EP300: variants seen among roughly 807,000 people sequenced by gnomAD.
EP300 encodes histone acetyltransferase p300.
Under a neutral mutation model 264.0 loss-of-function variants are expected in EP300, and 31 were observed. The observed-to-expected ratio is 0.12, with a 90% CI of 0.09 to 0.16. The LOEUF (loss-of-function observed/expected upper bound fraction) is 0.16, where lower values mean the gene tolerates loss of function less well. Ranked by LOEUF, EP300 falls within the 10% of genes least tolerant of loss-of-function variation. The pLI, the probability that EP300 is intolerant of heterozygous loss-of-function variation, is 1.00. For synonymous variants in EP300, 1,340 were observed against 1,045.4 expected, an observed-to-expected ratio of 1.28 and a Z score of -5.44; for missense variants, 2,766 against 3,052.9, an observed-to-expected ratio of 0.91 and a Z score of 2.21.
intron 14 of EP300, 110 bp from the exon 15 acceptor site, chr22:41,151,723 C>G: frequency 9.0e-7 from 1 of 1,110,350 alleles, no homozygotes; most frequent in South Asian, 1.3e-5. Flanking sequence ...TAAATATAAG[C>G]CAAGAAATAG....
At chr22:41,174,929 C>CAA (rs1381532783) in intron 29 of EP300, 4 of 150,874 alleles carry the variant, frequency 2.7e-5, no homozygotes, top group Non-Finnish European at 5.9e-5. Context: ...AGTATCTTTT[C>CAA]CCCCACTGCT....
chr22:41,115,860 C>T (rs1352459867), intron 1 of EP300, among the ~76,000 whole-genome samples: 1 of 152,206 alleles, frequency 6.6e-6, no homozygotes, highest in African/African-American at 2.4e-5. Flanking sequence ...TACTTTGAGG[C>T]AGGTACTATA....
chr22:41,117,283 T>C lies in EP300; in HGVS notation c.191T>C (p.Leu64Pro). Residue 64 changes from leucine (L) to proline (P), a missense_variant, in exon 2 of 31, where the codon CTT becomes CCT. Physicochemically the swap from Leu to Pro is moderately conservative, Grantham distance 98. Transcript: ENST00000263253. ...GLTNGGDINQ[L>P]QTSLGMVQDA... ...ACCAATGGTGGTGATATTAATCAGC[T>C]TCAGACAAGTCTTGGCATGGTACAA... 6.2e-7 allele frequency: 1 copy of C among 1,614,200 alleles called. No homozygotes were observed. The highest frequency in any genetic ancestry group is 8.5e-7 in the Non-Finnish European group (1 of 1,180,040).
In EP300 at chr22:41,133,400, C is replaced by T. The variant is rs921631048; in HGVS notation, c.1528+1767C>T. On this transcript the variant is annotated intron_variant, in intron 6 of 30. Coordinates refer to ENST00000263253, the MANE Select transcript of EP300 (RefSeq NM_001429.4). ...TCCTGACCTCAGGTGATCTGCCTGC[C>T]TCAACCTCCCAAAGTGCTGTGATTA... 4.6e-5 allele frequency among the ~76,000 whole-genome samples: 7 copies of T among 152,046 alleles called. No individual in the cohort carries two copies. In the East Asian group the frequency reaches 1.4e-3, roughly 29 times the overall value.
intron 1 of EP300, among the ~76,000 whole-genome samples, chr22:41,101,518 T>C (rs2058731796): frequency 6.6e-6 from 1 of 151,630 alleles, no homozygotes; most frequent in Non-Finnish European, 1.5e-5. Flanking sequence ...TTCATGCCAT[T>C]CTCCTGCCTC....
chr22:41,154,376 C>CTTTTTTTTTTTGTTTTT (rs2059064377), intron 16 of EP300, among the ~76,000 whole-genome samples: 1 of 61,792 alleles, frequency 1.6e-5, no homozygotes, highest in Non-Finnish European at 2.8e-5. Flanking sequence ...CTTGTGCACT[C>CTTTTTTTTTTTGTTTTT]TTTTTTTTTT....
intron 29 of EP300, among the ~76,000 whole-genome samples, chr22:41,175,904 A>G (rs1318929760): frequency 6.6e-6 from 1 of 152,190 alleles, no homozygotes; most frequent in Non-Finnish European, 1.5e-5. Flanking sequence ...TGGTGGTGAA[A>G]CTAACTCAGC....
At chr22:41,169,414 T>A (rs2059157524) in intron 25 of EP300, 89 bp from the exon 26 acceptor site, 11 of 812,678 alleles carry the variant, frequency 1.4e-5, no homozygotes, top group Admixed American at 9.0e-5. Context: ...CCTGGGAGAG[T>A]GAGAGGGTGT....
At chr22:41,139,762 G>T (rs2058971260) in intron 8 of EP300, among the ~76,000 whole-genome samples, 1 of 152,162 alleles carries the variant, frequency 6.6e-6, no homozygotes, top group South Asian at 2.1e-4. Flanking sequence ...ACATTTTAGA[G>T]TGGTTACTGA....
Position 41,151,246 on chromosome 22 carries a change from G to A in EP300, c.2818-587G>A, listed in dbSNP as rs77158859. On this transcript the variant is annotated intron_variant, in intron 14 of 30. Transcript: ENST00000263253. ...TCTGATAGACAAGGAAGGACAGAAT[G>A]AGAGAGGAACCAGTGGATCTGCTTG... is the stretch of plus-strand genomic sequence containing the variant. 2.6e-3 allele frequency among the ~76,000 whole-genome samples: 393 copies of A among 152,276 alleles called. 2 individuals are homozygous for A. Among genetic ancestry groups the A allele is most frequent in the African/African-American group, 9.1e-3 (378 of 41,522 alleles).
At chr22:41,158,836 A>G (rs1356065067) in intron 19 of EP300, 3 of 277,752 alleles carry the variant, frequency 1.1e-5, no homozygotes, top group Non-Finnish European at 2.1e-5. Context: ...AACTGAGAAG[A>G]TTTTTAAACT....
At chr22:41,118,610 G>C (rs937721306) in intron 2 of EP300, among the ~76,000 whole-genome samples, 1 of 152,228 alleles carries the variant, frequency 6.6e-6, no homozygotes, top group Non-Finnish European at 1.5e-5. Context: ...AAGGAGTCAA[G>C]AGCAAGCTTT....
intron 1 of EP300, among the ~76,000 whole-genome samples, chr22:41,093,628 T>C (rs1045743749): frequency 2.0e-5 from 3 of 152,226 alleles, no homozygotes; most frequent in African/African-American, 7.2e-5. Context: ...AGGTGAAGTT[T>C]AACAATTCTT....
intron 1 of EP300, among the ~76,000 whole-genome samples, chr22:41,096,877 C>T (rs1286943592): frequency 6.6e-6 from 1 of 152,164 alleles, no homozygotes; most frequent in Non-Finnish European, 1.5e-5. Context: ...CCTCAGCCTC[C>T]CAAAGTGCTG....
At chr22:41,116,108 A>T (rs1229912562) in intron 1 of EP300, among the ~76,000 whole-genome samples, 1 of 152,232 alleles carries the variant, frequency 6.6e-6, no homozygotes, top group African/African-American at 2.4e-5. Context: ...TGTGGATACA[A>T]ACCTTTAGCT....
intron 4 of EP300, among the ~76,000 whole-genome samples, chr22:41,128,452 C>G (rs1289492160): frequency 6.6e-6 from 1 of 151,478 alleles, no homozygotes; most frequent in African/African-American, 2.4e-5. Context: ...TAGAACCAAA[C>G]CCTGTTTCAA....
At chr22:41,098,387 T>C (rs2058713542) in intron 1 of EP300, among the ~76,000 whole-genome samples, 1 of 152,238 alleles carries the variant, frequency 6.6e-6, no homozygotes, top group Non-Finnish European at 1.5e-5. Context: ...GATTGTTTTT[T>C]TTGAGACGGA....
Position 41,146,165 on chromosome 22 carries a change from AT to A in EP300, c.2054-557del, listed in dbSNP as rs130087. 1.3e-3 allele frequency among the ~76,000 whole-genome samples: 175 copies of A among 139,034 alleles called. 1 individual carries two copies. The highest frequency in any genetic ancestry group is 2.2e-3 in the African/African-American group (81 of 37,348). The allele number at this position is 139,034 out of a possible 152,430, so 91.2% of individuals were successfully genotyped here. A position where few individuals can be genotyped will look rare whatever the true frequency, so the allele number is the denominator to read the frequency against. ...CATATTAAATGCTATGATGGCCTCA[AT>A]TTTTTTTTTTTTTTTTGAGACAGAG... On this transcript the variant is annotated intron_variant, in intron 10 of 30. Coordinates refer to ENST00000263253, the MANE Select transcript of EP300 (RefSeq NM_001429.4).
At position 41,176,901 on chromosome 22, in the gene EP300, T is replaced by G; in HGVS notation, c.5190T>G (p.Ser1730=). 6.2e-7 allele frequency: 1 copy of G among 1,614,092 alleles called. No individual in the cohort carries two copies. Reference sequence around the variant, plus strand: ...CAGCCACCCAGAGCCCAGGCGATTCTCGCCGCCTGAGTATCCAGCGCTGCA... The same window carrying G: ...CAGCCACCCAGAGCCCAGGCGATTCGCGCCGCCTGAGTATCCAGCGCTGCA... ...QAAATQSPGD[S]RRLSIQRCIQ... The change falls in exon 31 of 31, where the codon TCT becomes TCG. Residue 1730 remains serine, a synonymous_variant. Transcript: ENST00000263253.
Sources: allele counts gnomAD v4.1 joint callset (sites outside exome capture counted in the v4.1 genomes callset), GRCh38; gene constraint gnomAD v4.1.1; transcripts MANE v1.5; gene names NCBI Gene and HGNC (gene_info 2026-07-23, HGNC 2026-07-21).